The following PIGK variants were observed in gnomAD, a reference collection of about 807,000 sequenced individuals.
PIGK encodes the protein GPI-anchor transamidase.
In PIGK, 42 loss-of-function variants were observed where a neutral mutation model predicts 50.6. The ratio of observed to expected loss-of-function variants is 0.83; its 90% CI spans 0.65 to 1.07. The LOEUF is 1.07. Ranked by LOEUF, PIGK falls within the 50% of genes least tolerant of loss-of-function variation. The probability of loss-of-function intolerance (pLI) is 0.00; values close to 1 mark genes in which losing one functional copy is unlikely to be tolerated. For missense variants in PIGK, 448 were observed against 488.7 expected (o/e 0.92, Z 0.78); for synonymous variants, 151 against 156.0 (o/e 0.97, Z 0.24).
At chr1:77,217,092 T>C (rs1656585887) in intron 1 of PIGK, among the ~76,000 whole-genome samples, 2 of 152,198 alleles carry the variant, frequency 1.3e-5, no homozygotes, top group African/African-American at 4.8e-5. Context: ...ACTATAATTA[T>C]TACATTCATT....
intron 2 of PIGK, among the ~76,000 whole-genome samples, chr1:77,208,399 T>C (rs839812): frequency 0.042 from 6,405 of 152,320 alleles, 354 homozygotes; most frequent in African/African-American, 0.13. Flanking sequence ...AAGAGAGGTT[T>C]GGTTAGAGGT....
chr1:77,152,908 A>G (rs1243055588), intron 9 of PIGK, among the ~76,000 whole-genome samples: 1 of 152,086 alleles, frequency 6.6e-6, no homozygotes, highest in African/African-American at 2.4e-5. Flanking sequence ...CTCATACACT[A>G]TTGGTGGGAA....
intron 2 of PIGK, among the ~76,000 whole-genome samples, chr1:77,207,822 G>A (rs1176283473): frequency 1.3e-5 from 2 of 151,952 alleles, no homozygotes. Flanking sequence ...AAACAGAAAG[G>A]AACTACATGG....
At chr1:77,103,563 C>T (rs562801326) in intron 10 of PIGK, among the ~76,000 whole-genome samples, 1 of 152,304 alleles carries the variant, frequency 6.6e-6, no homozygotes, top group Non-Finnish European at 1.5e-5. Flanking sequence ...GTTTTCTGAT[C>T]CCTGAGAAAA....
intron 3 of PIGK, among the ~76,000 whole-genome samples, chr1:77,193,285 T>TGTGTGTGTGTGTG (rs1655954467): frequency 9.5e-6 from 1 of 105,180 alleles, no homozygotes; most frequent in African/African-American, 5.8e-5. Flanking sequence ...GTGTGTGTGT[T>TGTGTGTGTGTGTG]TCTCCTAAGC....
chr1:77,165,971 T>C (rs1655224563), intron 5 of PIGK, among the ~76,000 whole-genome samples: 1 of 151,958 alleles, frequency 6.6e-6, no homozygotes, highest in African/African-American at 2.4e-5. Context: ...ACTAAAACCA[T>C]ATGGAATAAT....
At chr1:77,163,422 G>C (rs1189004303) in intron 6 of PIGK, among the ~76,000 whole-genome samples, 2 of 152,048 alleles carry the variant, frequency 1.3e-5, no homozygotes, top group African/African-American at 4.8e-5. Context: ...AATGTGAGTT[G>C]TTACAAATTT....
chr1:77,180,217 G>A (rs1655579465), intron 3 of PIGK, among the ~76,000 whole-genome samples: 1 of 151,946 alleles, frequency 6.6e-6, no homozygotes, highest in Admixed American at 6.6e-5. Context: ...TTCTTTTCAA[G>A]CCCCTGCAAA....
At chr1:77,128,443 T>G (rs550276724) in intron 9 of PIGK, among the ~76,000 whole-genome samples, 1 of 152,206 alleles carries the variant, frequency 6.6e-6, no homozygotes, top group African/African-American at 2.4e-5. Context: ...AGCAACTCAG[T>G]AAAGCTGATA....
chr1:77,090,288 T>C lies in PIGK; in HGVS notation c.*2086A>G, dbSNP rs1465986827. 1 of 152,240 alleles carries C rather than the reference T, an allele frequency of 6.6e-6. No homozygotes were observed. The highest frequency in any genetic ancestry group is 1.5e-5 in the Non-Finnish European group (1 of 68,040). The allele number at this position is 152,240 out of a possible 1,614,324, so 9.4% of individuals were successfully genotyped here. A position where few individuals can be genotyped will look rare whatever the true frequency, so the allele number is the denominator to read the frequency against. ...TGACAATATTTCCTAAACGTACTCA[T>C]CTACCACATGCAGAGGATTTAGTTA... is the stretch of plus-strand genomic sequence containing the variant. On this transcript the variant is annotated 3_prime_UTR_variant, in exon 11 of 11. Transcript: ENST00000370812.
At chr1:77,138,557 T>C (rs182736997) in intron 9 of PIGK, among the ~76,000 whole-genome samples, 168 of 152,322 alleles carry the variant, frequency 1.1e-3, no homozygotes, top group African/African-American at 3.9e-3. Context: ...TGTGAAACTT[T>C]AGGTAAAGGA....
In PIGK at chr1:77,092,345, C is replaced by A. The variant is rs2100504512; in HGVS notation, c.*29G>T. On this transcript the variant is annotated 3_prime_UTR_variant, in exon 11 of 11. Transcript: ENST00000370812. ...TAAATTATTATCCAAGTTTGCAGTCCTCCATGCATTCTTCATTCATCATCA... is the reference window on the plus strand; with the variant it reads ...TAAATTATTATCCAAGTTTGCAGTCATCCATGCATTCTTCATTCATCATCA... 1 of 926,802 alleles carries A rather than the reference C, an allele frequency of 1.1e-6. No homozygotes were observed. The highest frequency in any genetic ancestry group is 1.7e-6 in the Non-Finnish European group (1 of 589,132). The allele number at this position is 926,802 out of a possible 1,614,324, so 57.4% of individuals were successfully genotyped here.
chr1:77,202,379 C>G (rs1164653985), intron 3 of PIGK, among the ~76,000 whole-genome samples: 2 of 152,066 alleles, frequency 1.3e-5, no homozygotes, highest in African/African-American at 4.8e-5. Flanking sequence ...ACCCAGAAAG[C>G]TTTAGGGAAT....
At chr1:77,189,694 C>CAT (rs71075728) in intron 3 of PIGK, among the ~76,000 whole-genome samples, 16 of 71,116 alleles carry the variant, frequency 2.2e-4, no homozygotes, top group Non-Finnish European at 3.8e-4. Context: ...ACAATAAACT[C>CAT]ATATATATAT....
At chr1:77,171,734 G>A (rs1655367681) in intron 3 of PIGK, among the ~76,000 whole-genome samples, 1 of 151,992 alleles carries the variant, frequency 6.6e-6, no homozygotes, top group Non-Finnish European at 1.5e-5. Flanking sequence ...GATTTCAAAC[G>A]TTTTGAAGTC....
intron 3 of PIGK, among the ~76,000 whole-genome samples, chr1:77,176,083 TAA>T (rs983329804): frequency 1.3e-5 from 2 of 152,162 alleles, no homozygotes; most frequent in African/African-American, 4.8e-5. Flanking sequence ...TTTGGAAAGC[TAA>T]GTCTCCCCTC....
chr1:77,110,451 T>C (rs1351994005), intron 10 of PIGK, among the ~76,000 whole-genome samples: 7 of 151,760 alleles, frequency 4.6e-5, no homozygotes, highest in Admixed American at 4.6e-4. Flanking sequence ...TCAGAAATAA[T>C]ACCACACATC....
At chr1:77,138,054 G>A (rs1316624253) in intron 9 of PIGK, among the ~76,000 whole-genome samples, 1 of 152,152 alleles carries the variant, frequency 6.6e-6, no homozygotes. Flanking sequence ...CTTATCCCTT[G>A]GTGTTCATAT....
intron 5 of PIGK, 63 bp from the exon 6 acceptor site, chr1:77,164,005 A>ATACATT (rs1655182979): frequency 1.2e-6 from 1 of 820,442 alleles, no homozygotes. Flanking sequence ...ATCTAGATAT[A>ATACATT]TACATTTACT....
Sources: allele counts gnomAD v4.1 joint callset (sites outside exome capture counted in the v4.1 genomes callset), GRCh38; gene constraint gnomAD v4.1.1; transcripts MANE v1.5; gene names NCBI Gene and HGNC (gene_info 2026-07-23, HGNC 2026-07-21).